Variants in FAM178B observed in about 807,000 individuals in gnomAD.
FAM178B encodes the protein protein FAM178B.
FAM178B carries 82 observed loss-of-function variants against 91.7 expected under a neutral mutation model. That is an observed-to-expected ratio of 0.89 (90% CI 0.75 to 1.07). The LOEUF is 1.07. Ranked by LOEUF, FAM178B falls within the 50% of genes least tolerant of loss-of-function variation. The pLI is 0.00. For missense variants in FAM178B, 769 were observed against 846.7 expected (o/e 0.91, Z 1.14); for synonymous variants, 368 against 359.4 (o/e 1.02, Z -0.27).
At chr2:96,939,129 G>A (rs1348075802) in intron 8 of FAM178B, 1 of 152,294 alleles carries the variant, frequency 6.6e-6, no homozygotes, top group African/African-American at 2.4e-5. Context: ...CTTGAACCTG[G>A]GAGGCAGAGG....
At chr2:96,942,647 G>A (rs945323825) in intron 8 of FAM178B, among the ~76,000 whole-genome samples, 5 of 151,948 alleles carry the variant, frequency 3.3e-5, no homozygotes, top group African/African-American at 4.8e-5. Flanking sequence ...CGCCTGCCTC[G>A]GCCTCCCAAA....
At chr2:96,981,459 T>G (rs1466500113) in intron 1 of FAM178B, among the ~76,000 whole-genome samples, 3 of 152,186 alleles carry the variant, frequency 2.0e-5, no homozygotes, top group Non-Finnish European at 4.4e-5. Flanking sequence ...TATCAACATT[T>G]TCTTCTGCAG....
chr2:96,883,790 G>C (rs758320252), intron 14 of FAM178B, among the ~76,000 whole-genome samples: 1 of 152,202 alleles, frequency 6.6e-6, no homozygotes, highest in African/African-American at 2.4e-5. Context: ...TGGGATTCTG[G>C]CCTGGGGTAC....
chr2:96,896,627 A>C (rs989821214), intron 13 of FAM178B, among the ~76,000 whole-genome samples: 3 of 152,184 alleles, frequency 2.0e-5, no homozygotes, highest in African/African-American at 7.2e-5. Flanking sequence ...GCTGATTTCC[A>C]GAGAAGCAAC....
Position 96,983,058 on chromosome 2 carries a change from T to C in FAM178B, c.73+3183A>G, listed in dbSNP as rs199952888. On this transcript the variant is annotated intron_variant, in intron 1 of 16. Coordinates refer to ENST00000490605, the MANE Select transcript of FAM178B (RefSeq NM_001122646.3). ...CATGCCTGGCTAATTTTAAAATATT[T>C]TTGTAGAGACAGGGTTCTTGCTACC... Among the ~76,000 whole-genome samples the C allele has an allele frequency of 2.0e-5, 3 of 151,000 alleles. No individual in the cohort carries two copies. In the East Asian group the frequency reaches 5.8e-4, roughly 29 times the overall value.
intron 9 of FAM178B, among the ~76,000 whole-genome samples, chr2:96,926,229 G>A (rs1262269579): frequency 6.6e-6 from 1 of 152,192 alleles, no homozygotes; most frequent in African/African-American, 2.4e-5. Flanking sequence ...CTTTAACCCG[G>A]AGGCGGAGGT....
Position 96,951,313 on chromosome 2 carries a change from T to C in FAM178B, c.993+66A>G. The C allele has an allele frequency of 5.1e-6, 6 of 1,179,766 alleles. No individual in the cohort carries two copies. The East Asian group carries it at 1.3e-4, about 25-fold the overall frequency. The allele number at this position is 1,179,766 out of a possible 1,614,324, so 73.1% of individuals were successfully genotyped here. ...GAGGTGAAGTGCCCACCCCTCAGCC[T>C]GTGGGCCTGCCGGGCCACCAGACTG... On this transcript the variant is annotated intron_variant, in intron 7 of 16. Transcript: ENST00000490605.
At position 96,923,523 on chromosome 2, in the gene FAM178B, A is replaced by G. The variant is rs1246819382; in HGVS notation, c.1254T>C (p.Ile418=). ...ENEEQDAPQE[I]ALDISLGHIY... is the part of the protein sequence containing the mutation. ...TGTGGCCCAGGCTGATGTCCAAGGC[A>G]ATCTCTTGGGGAGCGTCCTGCTCCT... The change falls in exon 10 of 17, where the codon ATT becomes ATC. Residue 418 remains isoleucine (I), a synonymous_variant. Transcript: ENST00000490605. The G allele has an allele frequency of 3.9e-6, 6 of 1,551,678 alleles. No homozygotes were observed. The highest frequency in any genetic ancestry group is 5.2e-6 in the Non-Finnish European group (6 of 1,146,988).
At chr2:96,956,037 T>C (rs1378536168) in intron 6 of FAM178B, among the ~76,000 whole-genome samples, 1 of 152,174 alleles carries the variant, frequency 6.6e-6, no homozygotes, top group Non-Finnish European at 1.5e-5. Flanking sequence ...GCACCAACAG[T>C]GGCAGATGCA....
intron 1 of FAM178B, among the ~76,000 whole-genome samples, chr2:96,984,944 A>C (rs1207564040): frequency 6.6e-6 from 1 of 152,198 alleles, no homozygotes; most frequent in Non-Finnish European, 1.5e-5. Context: ...GCTGGGTTTA[A>C]GGCACTGTGA....
intron 6 of FAM178B, among the ~76,000 whole-genome samples, chr2:96,953,221 C>T (rs1223988832): frequency 2.6e-5 from 4 of 152,194 alleles, no homozygotes; most frequent in East Asian, 1.9e-4. Context: ...TCCACGTGCC[C>T]GGTCACATGG....
intron 7 of FAM178B, among the ~76,000 whole-genome samples, chr2:96,950,588 TC>T (rs1466691249): frequency 6.6e-6 from 1 of 152,038 alleles, no homozygotes; most frequent in African/African-American, 2.4e-5. Flanking sequence ...GACCCACCTG[TC>T]CCCAGACAGG....
chr2:96,938,021 G>A (rs2081662255), intron 8 of FAM178B, among the ~76,000 whole-genome samples: 1 of 152,148 alleles, frequency 6.6e-6, no homozygotes, highest in Non-Finnish European at 1.5e-5. Flanking sequence ...GTGACAGAGT[G>A]AGACCTTGTC....
chr2:96,886,256 G>A (rs533614689), intron 14 of FAM178B, among the ~76,000 whole-genome samples: 9 of 152,368 alleles, frequency 5.9e-5, no homozygotes, highest in African/African-American at 2.2e-4. Context: ...CTCGAGGGGT[G>A]AACGTGTATC....
chr2:96,910,314 T>G (rs189732216), intron 12 of FAM178B, among the ~76,000 whole-genome samples: 1 of 152,078 alleles, frequency 6.6e-6, no homozygotes, highest in African/African-American at 2.4e-5. Context: ...CCAGGAGCAG[T>G]GAGACGCCGT....
At chr2:96,916,501 C>T (rs1249428385) in intron 12 of FAM178B, among the ~76,000 whole-genome samples, 1 of 152,206 alleles carries the variant, frequency 6.6e-6, no homozygotes, top group Non-Finnish European at 1.5e-5. Flanking sequence ...GAAGAGGATC[C>T]CCAGAGCCTG....
intron 4 of FAM178B, 128 bp downstream of exon 4, chr2:96,970,588 A>C (rs1290429036): frequency 2.9e-6 from 2 of 692,988 alleles, no homozygotes; most frequent in East Asian, 2.7e-5. Flanking sequence ...TACTGATCAG[A>C]GCACACAGGG....
At chr2:96,929,513 A>G (rs964055678) in intron 8 of FAM178B, among the ~76,000 whole-genome samples, 193 bp from the exon 9 acceptor site, 1 of 152,208 alleles carries the variant, frequency 6.6e-6, no homozygotes, top group African/African-American at 2.4e-5. Flanking sequence ...GTGAATTTCA[A>G]TGTTTTCTTG....
intron 12 of FAM178B, among the ~76,000 whole-genome samples, chr2:96,908,871 C>T (rs765553430): frequency 1.2e-4 from 18 of 152,240 alleles, no homozygotes; most frequent in Non-Finnish European, 2.2e-4. Flanking sequence ...GTCTGCTGGG[C>T]GCAGTGGCTC....
Sources: gnomAD v4.1 joint callset for allele counts (sites outside exome capture counted in the v4.1 genomes callset) on GRCh38, gnomAD v4.1.1 for gene constraint, MANE v1.5 for transcripts, NCBI Gene and HGNC (gene_info 2026-07-23, HGNC 2026-07-21) for gene names.